Variants in TACC2 observed in about 807,000 individuals in gnomAD.
The protein encoded by TACC2 is transforming acidic coiled-coil containing protein 2.
Under a neutral mutation model 227.3 loss-of-function variants are expected in TACC2, and 137 were observed. That is an observed-to-expected ratio of 0.60 (90% CI 0.52 to 0.69). The LOEUF (loss-of-function observed/expected upper bound fraction) is 0.69, where lower values mean the gene tolerates loss of function less well. Among genes scored for constraint, TACC2 ranks in the 30% least tolerant of loss-of-function variants. The probability of loss-of-function intolerance (pLI) is 0.00; values close to 1 mark genes in which losing one functional copy is unlikely to be tolerated. For synonymous variants in TACC2, 1,523 were observed against 1,487.5 expected (o/e 1.02, Z -0.55); for missense variants, 3,470 against 3,694.4 (o/e 0.94, Z 1.57).
At chr10:122,196,369 T>A (rs1242103195) in intron 8 of TACC2, among the ~76,000 whole-genome samples, 1 of 152,190 alleles carries the variant, frequency 6.6e-6, no homozygotes, top group Non-Finnish European at 1.5e-5. Flanking sequence ...TGGTGGAGTC[T>A]GCCGAATACT....
At chr10:122,151,827 A>G (rs1370679775) in intron 7 of TACC2, among the ~76,000 whole-genome samples, 1 of 152,190 alleles carries the variant, frequency 6.6e-6, no homozygotes, top group African/African-American at 2.4e-5. Flanking sequence ...CCATTCACCA[A>G]CGTTGATTGA....
At chr10:122,245,752 G>A (rs7097986) in intron 19 of TACC2, among the ~76,000 whole-genome samples, 8,308 of 152,086 alleles carry the variant, frequency 0.055, 251 homozygotes, top group Middle Eastern at 0.071. Context: ...TTACCAATAC[G>A]GGACTCTTCC....
At chr10:122,215,490 C>CG (rs2095384315) in intron 10 of TACC2, 39 bp downstream of exon 10, 1 of 1,570,498 alleles carries the variant, frequency 6.4e-7, no homozygotes, top group African/African-American at 1.3e-5. Flanking sequence ...TTATGCCCCC[C>CG]CCGGGGGAGG....
At chr10:122,203,488 G>T (rs1230296930) in intron 8 of TACC2, among the ~76,000 whole-genome samples, 2 of 151,786 alleles carry the variant, frequency 1.3e-5, no homozygotes, top group Middle Eastern at 6.9e-3. Context: ...AGACGGGGCG[G>T]CTGCCGGGCG....
At chr10:122,241,836 A>C (rs1162424940) in intron 18 of TACC2, 122 bp from the exon 19 acceptor site, 9 of 879,008 alleles carry the variant, frequency 1.0e-5, no homozygotes, top group Non-Finnish European at 1.8e-5. Context: ...GAGGGCTGAC[A>C]TTGAAGGTGA....
At chr10:122,127,721 C>A (rs963975162) in intron 5 of TACC2, among the ~76,000 whole-genome samples, 3 of 152,126 alleles carry the variant, frequency 2.0e-5, no homozygotes, top group African/African-American at 7.2e-5. Flanking sequence ...AGAAAAATCC[C>A]CCCATTTCCC....
intron 5 of TACC2, chr10:122,113,068 C>T (rs890136819): frequency 5.9e-5 from 9 of 152,444 alleles, no homozygotes; most frequent in African/African-American, 1.9e-4. Flanking sequence ...CGGCCCTGCG[C>T]CGTTGTCCCG....
At chr10:122,176,117 C>CTCTCTCTCTCTA (rs1447382017) in intron 7 of TACC2, among the ~76,000 whole-genome samples, 5 of 54,654 alleles carry the variant, frequency 9.1e-5, no homozygotes, top group Admixed American at 2.2e-4. Flanking sequence ...CTCTCTCTCT[C>CTCTCTCTCTCTA]TATATATATA....
chr10:122,163,940 T>C, intron 7 of TACC2: 1 of 1,583,702 alleles, frequency 6.3e-7, no homozygotes, highest in Non-Finnish European at 8.6e-7. Flanking sequence ...AGGGTCGCAG[T>C]CCCTGCAGCC....
At chr10:122,138,814 A>C (rs756957561) in intron 6 of TACC2, among the ~76,000 whole-genome samples, 18 of 152,196 alleles carry the variant, frequency 1.2e-4, no homozygotes, top group Non-Finnish European at 2.5e-4. Flanking sequence ...TACGGTTCAC[A>C]CTCACACAAG....
intron 7 of TACC2, among the ~76,000 whole-genome samples, chr10:122,175,254 C>T (rs1420492802): frequency 6.6e-6 from 1 of 152,214 alleles, no homozygotes; most frequent in African/African-American, 2.4e-5. Context: ...TGCACCTGGC[C>T]TGGCTTTGTA....
At chr10:122,221,841 G>T (rs982559869) in intron 11 of TACC2, among the ~76,000 whole-genome samples, 3 of 152,178 alleles carry the variant, frequency 2.0e-5, no homozygotes, top group African/African-American at 7.2e-5. Context: ...AGGCGAGTTG[G>T]CTTCCCTGAT....
At chr10:122,249,405 C>A in intron 21 of TACC2, 139 bp from the exon 22 acceptor site, 1 of 1,241,780 alleles carries the variant, frequency 8.1e-7, no homozygotes, top group Non-Finnish European at 1.1e-6. Context: ...TTGGTGTTCT[C>A]ATGGGCTCCT....
At chr10:122,147,276 C>T (rs1212688897) in intron 7 of TACC2, among the ~76,000 whole-genome samples, 1 of 152,116 alleles carries the variant, frequency 6.6e-6, no homozygotes, top group Non-Finnish European at 1.5e-5. Flanking sequence ...TCCTGAGTAG[C>T]TGGGATTACA....
Position 122,086,952 on chromosome 10 carries a change from T to A in TACC2, c.4452T>A (p.Ile1484=). The change falls in exon 4 of 23, where the codon ATT becomes ATA. Residue 1484 remains isoleucine (I), a synonymous_variant. Transcript: ENST00000369005. ...AACAGTTGGCTGGAGAGGCTGAGAT[T>A]TCCCATCTGGCTCTGCAAGATCCAG... ...KKQQLAGEAE[I]SHLALQDPAS... The A allele has an allele frequency of 6.2e-7, 1 of 1,613,940 alleles. No individual in the cohort carries two copies. Among genetic ancestry groups the A allele is most frequent in the Non-Finnish European group, 8.5e-7 (1 of 1,180,034 alleles).
At chr10:122,028,037 C>T (rs1958277949) in intron 2 of TACC2, among the ~76,000 whole-genome samples, 1 of 149,478 alleles carries the variant, frequency 6.7e-6, no homozygotes, top group Non-Finnish European at 1.5e-5. Context: ...GCCACTGCGC[C>T]TGGCCCATTG....
At chr10:122,120,979 C>G (rs1425700172) in intron 5 of TACC2, among the ~76,000 whole-genome samples, 1 of 152,042 alleles carries the variant, frequency 6.6e-6, no homozygotes, top group African/African-American at 2.4e-5. Flanking sequence ...TTGGCCAGGC[C>G]AAAATCCTGA....
intron 7 of TACC2, among the ~76,000 whole-genome samples, chr10:122,188,270 GTTTATTTATTTA>G (rs1420872837): frequency 6.6e-6 from 1 of 152,036 alleles, no homozygotes; most frequent in African/African-American, 2.4e-5. Context: ...TCTTGCTTTA[GTTTATTTATTTA>G]TTTATTTATT....
At chr10:122,229,874 C>T (rs572218792) in intron 15 of TACC2, among the ~76,000 whole-genome samples, 7 of 152,262 alleles carry the variant, frequency 4.6e-5, no homozygotes, top group South Asian at 2.1e-4. Flanking sequence ...CATCTGGGCT[C>T]AGTCTTGCAT....
Sources: allele counts gnomAD v4.1 joint callset (sites outside exome capture counted in the v4.1 genomes callset), GRCh38; gene constraint gnomAD v4.1.1; transcripts MANE v1.5; gene names NCBI Gene and HGNC (gene_info 2026-07-23, HGNC 2026-07-21).